LHFPL3: variants seen among roughly 807,000 people sequenced by gnomAD.
LHFPL3 encodes the protein LHFPL tetraspan subfamily member 3.
A neutral mutation model predicts 19.3 loss-of-function variants in LHFPL3; 5 were observed. The ratio of observed to expected loss-of-function variants is 0.26; its 90% CI spans 0.14 to 0.54. The LOEUF (loss-of-function observed/expected upper bound fraction) is 0.54, where lower values mean the gene tolerates loss of function less well. Among genes scored for constraint, LHFPL3 ranks in the 20% least tolerant of loss-of-function variants. The pLI is 0.94. For missense variants in LHFPL3, 249 were observed against 307.4 expected (o/e 0.81, Z 1.42); for synonymous variants, 133 against 126.2 (o/e 1.05, Z -0.36).
At chr7:104,737,618 G>A (rs866176142) in intron 2 of LHFPL3, among the ~76,000 whole-genome samples, 28 of 152,294 alleles carry the variant, frequency 1.8e-4, no homozygotes, top group Middle Eastern at 3.4e-3. Flanking sequence ...TGTTATTGAA[G>A]ATGAATCTTT....
At chr7:104,443,729 A>C (rs960003840) in intron 1 of LHFPL3, among the ~76,000 whole-genome samples, 12 of 152,186 alleles carry the variant, frequency 7.9e-5, no homozygotes, top group Non-Finnish European at 1.3e-4. Flanking sequence ...TGCCCTGACA[A>C]AATTCTTGTA....
At chr7:104,851,365 T>C (rs945393884) in intron 2 of LHFPL3, among the ~76,000 whole-genome samples, 4 of 152,196 alleles carry the variant, frequency 2.6e-5, no homozygotes, top group African/African-American at 4.8e-5. Context: ...CAAGAAGCCA[T>C]GAGGTATCTC....
At chr7:104,455,799 A>G (rs980779633) in intron 1 of LHFPL3, among the ~76,000 whole-genome samples, 14 of 152,238 alleles carry the variant, frequency 9.2e-5, no homozygotes, top group African/African-American at 2.2e-4. Flanking sequence ...TATATTCCTT[A>G]TAAGACTGTA....
chr7:104,329,374 C>A, intron 1 of LHFPL3, 150 bp downstream of exon 1: 2 of 1,061,736 alleles, frequency 1.9e-6, no homozygotes, highest in Non-Finnish European at 2.6e-6. Context: ...GGCGGGAGCC[C>A]AGCGAGGCCG....
intron 1 of LHFPL3, among the ~76,000 whole-genome samples, chr7:104,729,256 C>A (rs573786244): frequency 6.6e-6 from 1 of 152,074 alleles, no homozygotes; most frequent in Non-Finnish European, 1.5e-5. Flanking sequence ...AATAATCTCA[C>A]GTATTTATGG....
At chr7:104,532,301 T>C (rs1482310319) in intron 1 of LHFPL3, among the ~76,000 whole-genome samples, 1 of 144,904 alleles carries the variant, frequency 6.9e-6, no homozygotes, top group Non-Finnish European at 1.5e-5. Flanking sequence ...TTTTTCTTTT[T>C]TTCTTTTTCT....
chr7:104,362,043 C>G (rs184844287), intron 1 of LHFPL3, among the ~76,000 whole-genome samples: 4 of 152,348 alleles, frequency 2.6e-5, no homozygotes, highest in Non-Finnish European at 4.4e-5. Flanking sequence ...TGCTCCTGGA[C>G]TTTTCCCTCT....
chr7:104,843,265 C>T (rs750649341), intron 2 of LHFPL3, among the ~76,000 whole-genome samples: 25 of 152,296 alleles, frequency 1.6e-4, no homozygotes, highest in Non-Finnish European at 3.5e-4. Flanking sequence ...AGGTTAAAAC[C>T]CTGCTCAAAG....
intron 1 of LHFPL3, among the ~76,000 whole-genome samples, chr7:104,697,214 C>A (rs1257930053): frequency 1.3e-5 from 2 of 152,088 alleles, no homozygotes; most frequent in African/African-American, 4.8e-5. Context: ...GTTAAGATTC[C>A]AATATATGAA....
chr7:104,441,121 T>C (rs554997488), intron 1 of LHFPL3, among the ~76,000 whole-genome samples: 7 of 152,308 alleles, frequency 4.6e-5, no homozygotes, highest in Admixed American at 4.6e-4. Context: ...AGGCACTGTA[T>C]TGTACAGCAC....
At chr7:104,756,377 A>G (rs764920862) in intron 2 of LHFPL3, among the ~76,000 whole-genome samples, 5 of 152,232 alleles carry the variant, frequency 3.3e-5, no homozygotes, top group Admixed American at 6.5e-5. Context: ...TGTCAGTTAC[A>G]ATGAAATGAA....
intron 1 of LHFPL3, among the ~76,000 whole-genome samples, chr7:104,351,203 T>A (rs1790168215): frequency 1.3e-5 from 2 of 152,164 alleles, no homozygotes; most frequent in South Asian, 4.1e-4. Context: ...GTTAGTACCA[T>A]GTAAATTGGC....
chr7:104,388,731 C>A (rs1228251171), intron 1 of LHFPL3, among the ~76,000 whole-genome samples: 1 of 152,074 alleles, frequency 6.6e-6, no homozygotes, highest in Non-Finnish European at 1.5e-5. Flanking sequence ...TGCTTGACAT[C>A]TGAAAGTCAA....
At chr7:104,440,078 A>G (rs764391667) in intron 1 of LHFPL3, among the ~76,000 whole-genome samples, 4 of 151,696 alleles carry the variant, frequency 2.6e-5, no homozygotes, top group Non-Finnish European at 5.9e-5. Context: ...CCCAATGCTA[A>G]ATGATGAGTT....
In LHFPL3 at chr7:104,736,647, C is replaced by A. The variant is rs1288646019; in HGVS notation, c.446-28C>A. ...ATTTATTGACTTATCTTTTTTGTTT[C>A]TTTTGTTTTTCTCTCTTTCTCTCCA... On this transcript the variant is annotated intron_variant, in intron 1 of 2. Coordinates refer to ENST00000424859, the MANE Select transcript of LHFPL3 (RefSeq NM_199000.3). The A allele has an allele frequency of 4.1e-6, 6 of 1,466,862 alleles. No homozygotes were observed. The East Asian group carries it at 1.4e-4, about 34-fold the overall frequency. The allele number at this position is 1,466,862 out of a possible 1,614,324, so 90.9% of individuals were successfully genotyped here. A position where few individuals can be genotyped will look rare whatever the true frequency, so the allele number is the denominator to read the frequency against.
In LHFPL3 at chr7:104,906,230, G is replaced by A. The variant is rs773080259; in HGVS notation, c.*15G>A. ...CTCTAGAATGAGCACAAAACAAATC[G>A]AATAACAGCTAAACAAATCGAATAA... On this transcript the variant is annotated 3_prime_UTR_variant, in exon 3 of 3. Coordinates refer to ENST00000424859, the MANE Select transcript of LHFPL3 (RefSeq NM_199000.3). 5 of 1,604,762 alleles carry A rather than the reference G, an allele frequency of 3.1e-6. No homozygotes were observed. Among genetic ancestry groups the A allele is most frequent in the East Asian group, 2.2e-5 (1 of 44,560 alleles).
intron 1 of LHFPL3, among the ~76,000 whole-genome samples, chr7:104,693,136 C>T (rs578241359): frequency 3.7e-4 from 56 of 152,270 alleles, no homozygotes; most frequent in African/African-American, 1.3e-3. Context: ...TGCATGGGGA[C>T]TGTAGCCCCT....
intron 2 of LHFPL3, among the ~76,000 whole-genome samples, chr7:104,844,272 C>T (rs1473042374): frequency 6.6e-6 from 1 of 152,220 alleles, no homozygotes; most frequent in African/African-American, 2.4e-5. Context: ...CTGTGAGGCA[C>T]CAGATGGAGG....
chr7:104,732,862 A>C (rs1014994146), intron 1 of LHFPL3, among the ~76,000 whole-genome samples: 2 of 152,150 alleles, frequency 1.3e-5, no homozygotes, highest in Non-Finnish European at 2.9e-5. Flanking sequence ...GTGGGCATTT[A>C]GTGCTGTAAG....
Sources: gnomAD v4.1 joint callset for allele counts (sites outside exome capture counted in the v4.1 genomes callset) on GRCh38, gnomAD v4.1.1 for gene constraint, MANE v1.5 for transcripts, NCBI Gene and HGNC (gene_info 2026-07-23, HGNC 2026-07-21) for gene names.